Variants in FAM53A observed in about 807,000 individuals in gnomAD.
The protein encoded by FAM53A is protein FAM53A.
A neutral mutation model predicts 26.6 loss-of-function variants in FAM53A; 28 were observed. That is an observed-to-expected ratio of 1.05 (90% CI 0.78 to 1.45). The LOEUF (loss-of-function observed/expected upper bound fraction) is 1.45, where lower values mean the gene tolerates loss of function less well. Among genes scored for constraint, FAM53A ranks in the 40% most tolerant of loss-of-function variants. The probability of loss-of-function intolerance (pLI) is 0.00; values close to 1 mark genes in which losing one functional copy is unlikely to be tolerated. For synonymous variants in FAM53A, 290 were observed against 253.1 expected, an observed-to-expected ratio of 1.15 and a Z score of -1.38; for missense variants, 650 against 575.8, an observed-to-expected ratio of 1.13 and a Z score of -1.32.
rs1051199513 is a variant in FAM53A, at chr4:1,659,151, G to A, written c.76-1683C>T. ...ACCTCAGCCAGCACGGCGGTGTGGA[G>A]CTGTGAGCACCCGGCCACACCATGA... On this transcript the variant is annotated intron_variant, in intron 2 of 4. Coordinates refer to ENST00000308132, the MANE Select transcript of FAM53A (RefSeq NM_001174070.3). This position sits in a 1 kb window ranked among gnomAD's most constrained non-coding sequence, Gnocchi z 5.2. 6.6e-6 allele frequency among the ~76,000 whole-genome samples: 1 copy of A among 152,212 alleles called. No individual in the cohort carries two copies. Among genetic ancestry groups the A allele is most frequent in the Non-Finnish European group, 1.5e-5 (1 of 68,030 alleles).
intron 2 of FAM53A, among the ~76,000 whole-genome samples, chr4:1,661,309 C>G (rs1201763912): frequency 3.3e-5 from 5 of 152,286 alleles, no homozygotes; most frequent in Admixed American, 2.6e-4. Context: ...TCCAGCTCCA[C>G]CCGGAGGTCA....
chr4:1,610,165 G>A, the FAM53A span, among the ~76,000 whole-genome samples: 4 of 151,532 alleles, frequency 2.6e-5, no homozygotes, highest in African/African-American at 9.7e-5. Flanking sequence ...CAGTGCCGAG[G>A]GGGCACCCAG....
intron 2 of FAM53A, among the ~76,000 whole-genome samples, chr4:1,666,852 G>A (rs1229966766): frequency 1.3e-5 from 2 of 152,168 alleles, no homozygotes; most frequent in Non-Finnish European, 1.5e-5. Context: ...AATTTAGGCT[G>A]GGTGTGGTGG....
chr4:1,608,044 G>A, the FAM53A span, among the ~76,000 whole-genome samples: 30 of 151,888 alleles, frequency 2.0e-4, no homozygotes, highest in Middle Eastern at 3.4e-3. Context: ...CCCGGGAGGC[G>A]GAGGTCGCAG....
chr4:1,681,482 G>T (rs1335347200), intron 1 of FAM53A, among the ~76,000 whole-genome samples: 1 of 151,056 alleles, frequency 6.6e-6, no homozygotes, highest in Admixed American at 6.6e-5. Flanking sequence ...CACATTCGAA[G>T]TGTTCCTTTT....
chr4:1,636,922 G>C (rs1226215438), downstream of FAM53A, among the ~76,000 whole-genome samples: 4 of 152,068 alleles, frequency 2.6e-5, no homozygotes, highest in Non-Finnish European at 5.9e-5. Flanking sequence ...AACAGCGAAG[G>C]TGCCCCTCCA....
At chr4:1,596,694 C>T in the FAM53A span, among the ~76,000 whole-genome samples, 2 of 149,686 alleles carry the variant, frequency 1.3e-5, no homozygotes, top group East Asian at 1.9e-4. Flanking sequence ...CCACCGAGGC[C>T]GTGCCACACG....
chr4:1,680,104 T>G (rs1003467799), intron 1 of FAM53A, among the ~76,000 whole-genome samples: 1 of 150,052 alleles, frequency 6.7e-6, no homozygotes, highest in Non-Finnish European at 1.5e-5. Flanking sequence ...GTGGATCACC[T>G]GAGGTCAGGG....
At chr4:1,656,970 A>G (rs1417012165) in intron 3 of FAM53A, among the ~76,000 whole-genome samples, 3 of 152,112 alleles carry the variant, frequency 2.0e-5, no homozygotes, top group African/African-American at 7.2e-5. Context: ...TGAAGGGCCC[A>G]CCTGCGGGTG....
chr4:1,605,314 T>C, the FAM53A span, among the ~76,000 whole-genome samples: 1 of 152,132 alleles, frequency 6.6e-6, no homozygotes, highest in South Asian at 2.1e-4. This position sits in a 1 kb window ranked among gnomAD's most constrained non-coding sequence, Gnocchi z 5.7. Flanking sequence ...CCTCCCCATG[T>C]GGCTGGGGCT....
rs537091224 is a variant in FAM53A, at chr4:1,661,394, C to T, written c.76-3926G>A. On this transcript the variant is annotated intron_variant, in intron 2 of 4. Transcript: ENST00000308132. ...TTCCTGATGCACTATCGCGACTCCT[C>T]AGTCACCTGCTTCCCACCCGCCTCC... Among the ~76,000 whole-genome samples, 60 of 152,346 alleles carry T rather than the reference C, an allele frequency of 3.9e-4. 1 individual carries two copies. The highest frequency in any genetic ancestry group is 3.4e-3 in the Middle Eastern group (1 of 294).
chr4:1,583,743 T>C, the FAM53A span, among the ~76,000 whole-genome samples: 1 of 152,250 alleles, frequency 6.6e-6, no homozygotes, highest in Admixed American at 6.5e-5. Flanking sequence ...TGCCGGCTCA[T>C]GGGTGGGCAC....
At chr4:1,587,936 T>C in the FAM53A span, among the ~76,000 whole-genome samples, 1 of 152,234 alleles carries the variant, frequency 6.6e-6, no homozygotes. Context: ...TCCCCCTCCC[T>C]TTGCTCTTTT....
At chr4:1,582,377 C>T in the FAM53A span, among the ~76,000 whole-genome samples, 1,439 of 152,312 alleles carry the variant, frequency 9.4e-3, 26 homozygotes, top group Non-Finnish European at 0.012. Flanking sequence ...CTGCCACGGA[C>T]GTCACCACCA....
chr4:1,659,706 G>A lies in FAM53A; in HGVS notation c.76-2238C>T, dbSNP rs1274418227. Among the ~76,000 whole-genome samples, 3 of 152,168 alleles carry A rather than the reference G, an allele frequency of 2.0e-5. No individual in the cohort carries two copies. Among genetic ancestry groups the A allele is most frequent in the African/African-American group, 7.2e-5 (3 of 41,432 alleles). Reference sequence around the variant, plus strand: ...TTGTCAAAAACACTTATTCCTCACAGTCCTGGAGGCAGAAGTCCAAGATCA... The same window carrying A: ...TTGTCAAAAACACTTATTCCTCACAATCCTGGAGGCAGAAGTCCAAGATCA... On this transcript the variant is annotated intron_variant, in intron 2 of 4. Coordinates refer to ENST00000308132, the MANE Select transcript of FAM53A (RefSeq NM_001174070.3). The surrounding 1 kb of genome is among the most constrained non-coding windows in gnomAD (Gnocchi z 5.2).
chr4:1,597,536 C>A, the FAM53A span, among the ~76,000 whole-genome samples: 1 of 152,216 alleles, frequency 6.6e-6, no homozygotes, highest in Admixed American at 6.5e-5. Flanking sequence ...TCCAGACCCC[C>A]AGCCCCTCCC....
rs1715545919 is a variant in FAM53A, at chr4:1,630,090, C to A, written c.432-11979G>T. On this transcript the variant is annotated intron_variant, in intron 1 of 1. Coordinates refer to the FAM53A transcript ENST00000489029. This position sits in a 1 kb window ranked among gnomAD's most constrained non-coding sequence, Gnocchi z 4.3. ...CAGTGAGACCCCGCTGGACACCTCACCCGGCTGCCTGCCTGCCAGGTGTGG... is the reference window on the plus strand; with the variant it reads ...CAGTGAGACCCCGCTGGACACCTCAACCGGCTGCCTGCCTGCCAGGTGTGG... Among the ~76,000 whole-genome samples the A allele has an allele frequency of 6.6e-6, 1 of 152,258 alleles. No homozygotes were observed. Among genetic ancestry groups the A allele is most frequent in the Non-Finnish European group, 1.5e-5 (1 of 68,040 alleles).
intron 4 of FAM53A, chr4:1,644,176 G>A (rs1676289934): frequency 6.5e-7 from 1 of 1,534,782 alleles, no homozygotes; most frequent in African/African-American, 1.4e-5. Context: ...GGGGTGGCGG[G>A]GACGCTACGC....
At position 1,632,366 on chromosome 4, in the gene FAM53A, G is replaced by A. The variant is rs939090771; in HGVS notation, c.432-14255C>T. ...AGTGGCCGCCTTTGAACCACAGAGC[G>A]AGGCCCTGGGAGAAAGTGGCCCTCC... is the stretch of plus-strand genomic sequence containing the variant. On this transcript the variant is annotated intron_variant, in intron 1 of 1. Coordinates refer to the FAM53A transcript ENST00000489029. Among the ~76,000 whole-genome samples the A allele has an allele frequency of 2.6e-5, 4 of 151,998 alleles. 1 individual carries two copies. The South Asian group carries it at 8.3e-4, about 32-fold the overall frequency.
Sources: gnomAD v4.1 joint callset for allele counts (sites outside exome capture counted in the v4.1 genomes callset) on GRCh38, gnomAD v4.1.1 for gene constraint, Gnocchi (gnomAD v3.1) non-coding constraint, MANE v1.5 for transcripts, NCBI Gene and HGNC (gene_info 2026-07-23, HGNC 2026-07-21) for gene names.